Variants in PTGER3 observed in about 807,000 individuals in gnomAD.
The protein encoded by PTGER3 is prostaglandin E receptor 3, also known as prostaglandin E2 receptor EP3 subtype.
Under a neutral mutation model 34.7 loss-of-function variants are expected in PTGER3, and 22 were observed. The ratio of observed to expected loss-of-function variants is 0.63; its 90% CI spans 0.45 to 0.91. PTGER3 has a LOEUF of 0.91. PTGER3 is among the 40% of genes least tolerant of loss of function. The pLI, the probability that PTGER3 is intolerant of heterozygous loss-of-function variation, is 0.00. For synonymous variants in PTGER3, 241 were observed against 230.1 expected (o/e 1.05, Z -0.43); for missense variants, 468 against 519.4 (o/e 0.90, Z 0.96).
chr1:71,028,715 T>G (rs1299466078), intron 1 of PTGER3, among the ~76,000 whole-genome samples: 1 of 152,202 alleles, frequency 6.6e-6, no homozygotes, highest in Non-Finnish European at 1.5e-5. Context: ...CTCCTTCCCA[T>G]TGCTTCCAAT....
intron 2 of PTGER3, among the ~76,000 whole-genome samples, chr1:70,977,014 C>G (rs1354359369): frequency 6.6e-6 from 1 of 152,132 alleles, no homozygotes; most frequent in Non-Finnish European, 1.5e-5. Flanking sequence ...ATGTGAGACC[C>G]CAAAGATTTC....
chr1:70,887,135 A>G (rs923248967), intron 4 of PTGER3, among the ~76,000 whole-genome samples: 2 of 152,190 alleles, frequency 1.3e-5, no homozygotes, highest in African/African-American at 4.8e-5. Flanking sequence ...TCAAAGTACT[A>G]ATGGTGAGGG....
At chr1:71,038,780 C>A (rs1660037960) in intron 1 of PTGER3, among the ~76,000 whole-genome samples, 3 of 152,176 alleles carry the variant, frequency 2.0e-5, no homozygotes, top group Non-Finnish European at 4.4e-5. Context: ...GATTCACACA[C>A]TTTGGTCTGA....
At chr1:70,985,250 T>A (rs1001952816) in intron 2 of PTGER3, among the ~76,000 whole-genome samples, 9 of 152,064 alleles carry the variant, frequency 5.9e-5, no homozygotes, top group African/African-American at 2.2e-4. Flanking sequence ...CACAGGCTCA[T>A]GAGGTGTCAC....
intron 2 of PTGER3, chr1:71,007,316 T>C (rs1052587140): frequency 2.7e-5 from 27 of 985,694 alleles, no homozygotes; most frequent in Non-Finnish European, 3.1e-5. Context: ...CTTACACTAT[T>C]TGTACAAAAA....
intron 2 of PTGER3, among the ~76,000 whole-genome samples, chr1:70,985,603 A>C (rs980367937): frequency 6.6e-6 from 1 of 152,084 alleles, no homozygotes. Flanking sequence ...TGTTAGTAAT[A>C]ATGTGAACCT....
At chr1:70,885,689 A>G (rs1646483600) in intron 4 of PTGER3, among the ~76,000 whole-genome samples, 1 of 152,166 alleles carries the variant, frequency 6.6e-6, no homozygotes, top group African/African-American at 2.4e-5. Flanking sequence ...CCCAAGAATA[A>G]GGTGCAGTCA....
chr1:70,857,369 C>T (rs765656752), intron 4 of PTGER3, among the ~76,000 whole-genome samples: 5 of 152,054 alleles, frequency 3.3e-5, no homozygotes, highest in Non-Finnish European at 5.9e-5. Context: ...TCCTTCTGAT[C>T]ATTATGATTT....
intron 2 of PTGER3, chr1:71,010,131 T>A: frequency 1.0e-6 from 1 of 984,912 alleles, no homozygotes; most frequent in Non-Finnish European, 1.2e-6. Context: ...AAGTGTCAGG[T>A]TTTTTGCCTT....
intron 1 of PTGER3, among the ~76,000 whole-genome samples, chr1:71,013,753 C>A (rs1209887170): frequency 6.6e-6 from 1 of 151,908 alleles, no homozygotes; most frequent in Non-Finnish European, 1.5e-5. Flanking sequence ...CTGCTGTTTC[C>A]CAGCTATGCA....
intron 4 of PTGER3, among the ~76,000 whole-genome samples, chr1:70,912,238 A>G (rs1312062740): frequency 6.6e-6 from 1 of 152,132 alleles, no homozygotes; most frequent in Non-Finnish European, 1.5e-5. Context: ...CTAGGATACC[A>G]TTCATTTTCT....
At chr1:70,899,029 C>A (rs766458989) in intron 4 of PTGER3, among the ~76,000 whole-genome samples, 1 of 152,104 alleles carries the variant, frequency 6.6e-6, no homozygotes, top group Admixed American at 6.6e-5. Context: ...TTGAAGAATG[C>A]TCCAAGAAAT....
At chr1:71,009,231 C>A (rs1046002367) in intron 2 of PTGER3, 18 of 985,104 alleles carry the variant, frequency 1.8e-5, no homozygotes, top group Middle Eastern at 5.2e-4. Context: ...TCACTCAATG[C>A]CAATGTGCTC....
At chr1:70,931,400 C>G (rs887301485) in intron 4 of PTGER3, among the ~76,000 whole-genome samples, 5 of 152,230 alleles carry the variant, frequency 3.3e-5, no homozygotes, top group African/African-American at 1.2e-4. Context: ...CACAACTCCA[C>G]TCGGCAGTGC....
At chr1:70,971,974 A>G (rs1367289499) in intron 3 of PTGER3, among the ~76,000 whole-genome samples, 1 of 152,192 alleles carries the variant, frequency 6.6e-6, no homozygotes, top group Non-Finnish European at 1.5e-5. Flanking sequence ...CTCTAGTCTA[A>G]AAAGAAATAA....
intron 4 of PTGER3, among the ~76,000 whole-genome samples, chr1:70,942,271 T>C (rs1027457448): frequency 4.6e-5 from 7 of 152,038 alleles, no homozygotes; most frequent in Non-Finnish European, 1.0e-4. Context: ...TGGAAGAGAG[T>C]TGCTGGTGGA....
Position 70,888,934 on chromosome 1 carries a change from A to T in PTGER3, c.*24-36075T>A, listed in dbSNP as rs201415260. ...TAACAATTTGCAGCAGCCCTGAGAT[A>T]GGGTGGGCCATAGTGCACAGCAGGA... On this transcript the variant is annotated intron_variant, in intron 4 of 4. Transcript: ENST00000370931. Among the ~76,000 whole-genome samples the T allele has an allele frequency of 2.0e-5, 3 of 152,168 alleles. No homozygotes were observed. The East Asian group carries it at 5.8e-4, about 29-fold the overall frequency.
chr1:70,990,383 A>G (rs1191077834), intron 2 of PTGER3, among the ~76,000 whole-genome samples: 1 of 107,542 alleles, frequency 9.3e-6, no homozygotes, highest in Non-Finnish European at 2.1e-5. Flanking sequence ...ACACACACAC[A>G]CACATATATA....
intron 1 of PTGER3, among the ~76,000 whole-genome samples, chr1:71,041,933 C>A (rs886558348): frequency 6.6e-6 from 1 of 152,170 alleles, no homozygotes; most frequent in Admixed American, 6.5e-5. Flanking sequence ...CCTCTGCACC[C>A]TCAGATGAAT....
Sources: allele counts gnomAD v4.1 joint callset (sites outside exome capture counted in the v4.1 genomes callset), GRCh38; gene constraint gnomAD v4.1.1; transcripts MANE v1.5; gene names NCBI Gene and HGNC (gene_info 2026-07-23, HGNC 2026-07-21).